ALK: variants seen among roughly 807,000 people sequenced by gnomAD.
The protein encoded by ALK is ALK receptor tyrosine kinase.
ALK carries 74 observed loss-of-function variants against 163.1 expected under a neutral mutation model. The observed-to-expected ratio is 0.45, with a 90% CI of 0.38 to 0.55. The LOEUF is 0.55. ALK is among the 20% of genes least tolerant of loss of function. The pLI is 0.00. For synonymous variants in ALK, 960 were observed against 843.2 expected, an observed-to-expected ratio of 1.14 and a Z score of -2.40; for missense variants, 2,063 against 2,105.3, an observed-to-expected ratio of 0.98 and a Z score of 0.39.
intron 18 of ALK, 78 bp downstream of exon 18, chr2:29,226,844 A>G (rs2148178077): frequency 6.4e-7 from 1 of 1,573,190 alleles, no homozygotes; most frequent in Non-Finnish European, 8.7e-7. Context: ...GGTGTTCTGG[A>G]ACCCAGAAAC....
Position 29,196,818 on chromosome 2 carries a change from G to A in ALK, c.4116C>T (p.Asp1372=), listed in dbSNP as rs751325148. Residue 1372 remains aspartate (D), a synonymous_variant, in exon 28 of 29, where the codon GAC becomes GAT. Coordinates refer to ENST00000389048, the MANE Select transcript of ALK (RefSeq NM_004304.5). ...MTQCWQHQPE[D]RPNFAIILER... The stretch of plus-strand genomic sequence containing the variant: ...CCAAAATGATGGCAAAGTTGGGCCT[G>A]TCTTCAGGCTGATGTTGCCAGCACT... The A allele has an allele frequency of 6.2e-7, 1 of 1,614,176 alleles. No homozygotes were observed. Among genetic ancestry groups the A allele is most frequent in the Non-Finnish European group, 8.5e-7 (1 of 1,179,996 alleles).
At chr2:29,540,215 G>C (rs1308861839) in intron 3 of ALK, among the ~76,000 whole-genome samples, 2 of 151,848 alleles carry the variant, frequency 1.3e-5, no homozygotes, top group Non-Finnish European at 1.5e-5. Flanking sequence ...TTCTTTATAG[G>C]GTTCCTGACC....
In ALK at chr2:29,830,560, A is replaced by G. The variant is rs550587452; in HGVS notation, c.667+89433T>C. On this transcript the variant is annotated intron_variant, in intron 1 of 28. Transcript: ENST00000389048. Reference sequence around the variant, plus strand: ...CCAGTGCCAATAGCACCAGCATCACATGGAAACTTGTTAGAAATGCAGAAT... The same window carrying G: ...CCAGTGCCAATAGCACCAGCATCACGTGGAAACTTGTTAGAAATGCAGAAT... 3.0e-4 allele frequency among the ~76,000 whole-genome samples: 46 copies of G among 152,114 alleles called. 1 individual carries two copies. Among genetic ancestry groups the G allele is most frequent in the African/African-American group, 1.1e-3 (44 of 41,482 alleles).
intron 1 of ALK, among the ~76,000 whole-genome samples, chr2:29,761,224 G>A (rs936460279): frequency 6.6e-6 from 1 of 152,192 alleles, no homozygotes; most frequent in Non-Finnish European, 1.5e-5. Flanking sequence ...TCACAATGAT[G>A]AGGTTCCATT....
At chr2:29,517,211 C>T (rs1487741298) in intron 4 of ALK, among the ~76,000 whole-genome samples, 1 of 152,106 alleles carries the variant, frequency 6.6e-6, no homozygotes, top group Non-Finnish European at 1.5e-5. Context: ...TTAGGGGCAG[C>T]ACAGAGAGAA....
At chr2:29,695,242 G>T (rs1242912909) in intron 2 of ALK, among the ~76,000 whole-genome samples, 2 of 152,282 alleles carry the variant, frequency 1.3e-5, no homozygotes, top group Non-Finnish European at 2.9e-5. Flanking sequence ...CTCAGAGAAG[G>T]CAGGTAAAAA....
intron 4 of ALK, among the ~76,000 whole-genome samples, chr2:29,460,930 T>C (rs1039231405): frequency 6.6e-6 from 1 of 152,148 alleles, no homozygotes; most frequent in East Asian, 1.9e-4. Context: ...ATAGCCAAGT[T>C]GTGAATGCAA....
chr2:29,396,886 A>C (rs1312319803), intron 4 of ALK, among the ~76,000 whole-genome samples: 5 of 116,776 alleles, frequency 4.3e-5, no homozygotes, highest in African/African-American at 7.0e-5. Context: ...CTCATTGATC[A>C]AGGCTCATCT....
chr2:29,869,802 G>A (rs188845550), intron 1 of ALK, among the ~76,000 whole-genome samples: 1 of 152,202 alleles, frequency 6.6e-6, no homozygotes, highest in Admixed American at 6.5e-5. Context: ...AACTGTATCT[G>A]CCACAAAGAT....
intron 1 of ALK, among the ~76,000 whole-genome samples, chr2:29,775,126 T>C (rs187078683): frequency 3.2e-4 from 48 of 152,254 alleles, no homozygotes; most frequent in African/African-American, 7.2e-4. Context: ...AAAGTGTCAA[T>C]AAGCACAAGG....
chr2:29,556,311 G>C (rs112386220), intron 3 of ALK, among the ~76,000 whole-genome samples: 2,392 of 152,280 alleles, frequency 0.016, 68 homozygotes, highest in African/African-American at 0.054. Flanking sequence ...CTCTCTTGTA[G>C]AACTATGGAG....
At chr2:29,385,387 T>C (rs1205517723) in intron 4 of ALK, among the ~76,000 whole-genome samples, 1 of 151,270 alleles carries the variant, frequency 6.6e-6, no homozygotes, top group Admixed American at 6.6e-5. Context: ...AGGTTGTTTT[T>C]TTTTTTTTTT....
At chr2:29,654,229 A>G (rs1158202978) in intron 3 of ALK, among the ~76,000 whole-genome samples, 1 of 152,170 alleles carries the variant, frequency 6.6e-6, no homozygotes, top group Non-Finnish European at 1.5e-5. Context: ...AAAGGATGAA[A>G]CAGAGTTGGC....
At chr2:29,807,218 CCT>C (rs1374073783) in intron 1 of ALK, among the ~76,000 whole-genome samples, 1 of 152,160 alleles carries the variant, frequency 6.6e-6, no homozygotes, top group African/African-American at 2.4e-5. Context: ...TATTCTCGCC[CCT>C]GTGGCTACAA....
chr2:29,286,526 A>G (rs1459902376), intron 9 of ALK: 1 of 152,242 alleles, frequency 6.6e-6, no homozygotes, highest in Non-Finnish European at 1.5e-5. Flanking sequence ...TCTGAAAGAA[A>G]AAAATACGTT....
intron 3 of ALK, among the ~76,000 whole-genome samples, chr2:29,547,694 C>G (rs1345221540): frequency 1.3e-5 from 2 of 152,152 alleles, no homozygotes; most frequent in Admixed American, 6.5e-5. Flanking sequence ...ACTCAGGTCC[C>G]CAACCAACTT....
At chr2:29,439,846 G>C (rs1347426722) in intron 4 of ALK, among the ~76,000 whole-genome samples, 1 of 152,170 alleles carries the variant, frequency 6.6e-6, no homozygotes, top group Non-Finnish European at 1.5e-5. Flanking sequence ...GTCTCAGAGA[G>C]AACATGGCCT....
At chr2:29,557,765 T>C (rs936006796) in intron 3 of ALK, among the ~76,000 whole-genome samples, 8 of 152,138 alleles carry the variant, frequency 5.3e-5, no homozygotes, top group African/African-American at 1.9e-4. Context: ...ACAAAAGGTA[T>C]ACATAGGTCC....
intron 8 of ALK, among the ~76,000 whole-genome samples, chr2:29,316,121 T>G (rs993454144): frequency 3.3e-5 from 5 of 152,202 alleles, no homozygotes; most frequent in Admixed American, 6.5e-5. Flanking sequence ...ATCAACTTCC[T>G]GCATTCTGCA....
Sources: gnomAD v4.1 joint callset for allele counts (sites outside exome capture counted in the v4.1 genomes callset) on GRCh38, gnomAD v4.1.1 for gene constraint, MANE v1.5 for transcripts, NCBI Gene and HGNC (gene_info 2026-07-23, HGNC 2026-07-21) for gene names.